The following HHIP variants were observed in gnomAD, a reference collection of about 807,000 sequenced individuals.
HHIP encodes hedgehog-interacting protein.
HHIP carries 12 observed loss-of-function variants against 74.0 expected under a neutral mutation model. The ratio of observed to expected loss-of-function variants is 0.16; its 90% CI spans 0.10 to 0.26. The LOEUF is 0.26. HHIP is among the 10% of genes least tolerant of loss of function. The probability of loss-of-function intolerance (pLI) is 1.00; values close to 1 mark genes in which losing one functional copy is unlikely to be tolerated. For missense variants in HHIP, 788 were observed against 845.0 expected (o/e 0.93, Z 0.84); for synonymous variants, 309 against 311.6 (o/e 0.99, Z 0.09).
intron 4 of HHIP, among the ~76,000 whole-genome samples, chr4:144,668,357 T>A (rs538060125): frequency 6.7e-6 from 1 of 149,700 alleles, no homozygotes; most frequent in African/African-American, 2.5e-5. Context: ...TGCCATGAAA[T>A]CAGAGAAGAG....
intron 11 of HHIP, among the ~76,000 whole-genome samples, chr4:144,730,576 T>G (rs937380582): frequency 2.6e-5 from 4 of 152,130 alleles, no homozygotes; most frequent in Non-Finnish European, 5.9e-5. Flanking sequence ...GATCGTACAT[T>G]AAAGCACCCA....
intron 4 of HHIP, chr4:144,660,054 G>C (rs1728669928): frequency 1.8e-6 from 1 of 554,022 alleles, no homozygotes; most frequent in Non-Finnish European, 3.2e-6. Context: ...CAATCGAATT[G>C]ATATTTGACA....
chr4:144,700,999 G>GTCCTCTTTT (rs1729965716), intron 4 of HHIP, among the ~76,000 whole-genome samples: 1 of 151,980 alleles, frequency 6.6e-6, no homozygotes, highest in African/African-American at 2.4e-5. Flanking sequence ...TTAGTCCCAA[G>GTCCTCTTTT]TCCTCTTTTT....
chr4:144,705,070 A>C (rs1275538046), intron 4 of HHIP, among the ~76,000 whole-genome samples: 1 of 152,198 alleles, frequency 6.6e-6, no homozygotes, highest in Non-Finnish European at 1.5e-5. Context: ...TTTGACATTT[A>C]AATAATGACT....
chr4:144,659,928 T>C (rs1728665924), intron 4 of HHIP, 90 bp downstream of exon 4: 10 of 957,212 alleles, frequency 1.0e-5, no homozygotes, highest in Non-Finnish European at 1.6e-5. Flanking sequence ...TTCTTTGTAA[T>C]AAAAGAAAGA....
chr4:144,690,485 T>C (rs1288231356), intron 4 of HHIP, among the ~76,000 whole-genome samples: 3 of 152,150 alleles, frequency 2.0e-5, no homozygotes, highest in African/African-American at 7.2e-5. Flanking sequence ...GATCAACAAG[T>C]TATTCCATAG....
intron 4 of HHIP, among the ~76,000 whole-genome samples, chr4:144,705,690 C>T (rs764938786): frequency 1.3e-5 from 2 of 152,142 alleles, no homozygotes; most frequent in African/African-American, 4.8e-5. Context: ...AGATAAAATG[C>T]CTTTCTATTT....
chr4:144,679,128 C>T (rs1358100193), intron 4 of HHIP, among the ~76,000 whole-genome samples: 2 of 151,888 alleles, frequency 1.3e-5, no homozygotes, highest in African/African-American at 4.9e-5. Flanking sequence ...CTCTAATGAC[C>T]AGGGATGATT....
At chr4:144,680,456 C>T (rs758959043) in intron 4 of HHIP, among the ~76,000 whole-genome samples, 1 of 152,074 alleles carries the variant, frequency 6.6e-6, no homozygotes, top group Non-Finnish European at 1.5e-5. Context: ...GGATTGTTAC[C>T]AGAAGACAGT....
chr4:144,730,069 T>C (rs1251407327), intron 11 of HHIP, among the ~76,000 whole-genome samples: 2 of 152,174 alleles, frequency 1.3e-5, no homozygotes, highest in East Asian at 1.9e-4. Flanking sequence ...ATGAAAACTG[T>C]TCAGAATACC....
At chr4:144,692,135 G>T (rs928379282) in intron 4 of HHIP, among the ~76,000 whole-genome samples, 4 of 151,924 alleles carry the variant, frequency 2.6e-5, no homozygotes, top group African/African-American at 9.7e-5. Context: ...TTTATTTAAT[G>T]TATTTTTCAT....
At chr4:144,704,026 C>T (rs1170985099) in intron 4 of HHIP, among the ~76,000 whole-genome samples, 1 of 152,136 alleles carries the variant, frequency 6.6e-6, no homozygotes, top group Non-Finnish European at 1.5e-5. Flanking sequence ...TGTGAGCTCT[C>T]AATACATTAA....
intron 4 of HHIP, among the ~76,000 whole-genome samples, chr4:144,684,568 C>T (rs151049842): frequency 0.028 from 4,213 of 151,964 alleles, 70 homozygotes; most frequent in Middle Eastern, 0.041. Context: ...CGTGAGCCAC[C>T]GCGCCCGGCC....
At chr4:144,652,111 T>A (rs995036963) in intron 1 of HHIP, among the ~76,000 whole-genome samples, 1 of 152,062 alleles carries the variant, frequency 6.6e-6, no homozygotes, top group Non-Finnish European at 1.5e-5. Flanking sequence ...ATTGAAATTT[T>A]AAAAAAATGT....
intron 11 of HHIP, among the ~76,000 whole-genome samples, chr4:144,719,319 A>C (rs1184105788): frequency 2.0e-5 from 3 of 152,220 alleles, no homozygotes; most frequent in Admixed American, 6.5e-5. Context: ...AACGAGAAAC[A>C]TACTGGCAGA....
chr4:144,659,240 T>C (rs1728635304), intron 3 of HHIP, among the ~76,000 whole-genome samples: 1 of 152,234 alleles, frequency 6.6e-6, no homozygotes, highest in Non-Finnish European at 1.5e-5. Flanking sequence ...ACTGTGAAAA[T>C]GTTCAGCACA....
At position 144,646,538 on chromosome 4, in the gene HHIP, TC is replaced by T; in HGVS notation, c.-134del. On this transcript the variant is annotated 5_prime_UTR_variant, in exon 1 of 13. Coordinates refer to ENST00000296575, the MANE Select transcript of HHIP (RefSeq NM_022475.3). ...AGTTGCATCGCTGTACATATTTTTG[TC>T]CCCGCCACCTCCCTCTGTCTCTGGA... 1.2e-6 allele frequency: 1 copy of T among 812,328 alleles called. No individual in the cohort carries two copies. The allele number at this position is 812,328 out of a possible 1,614,324, so 50.3% of individuals were successfully genotyped here. A position where few individuals can be genotyped will look rare whatever the true frequency, so the allele number is the denominator to read the frequency against.
intron 4 of HHIP, among the ~76,000 whole-genome samples, chr4:144,679,777 T>C (rs1011022004): frequency 1.1e-4 from 16 of 152,254 alleles, no homozygotes; most frequent in African/African-American, 3.9e-4. Flanking sequence ...TGTAGACTAC[T>C]TAAAATGTAA....
At chr4:144,725,829 C>A (rs939223294) in intron 11 of HHIP, among the ~76,000 whole-genome samples, 1 of 152,114 alleles carries the variant, frequency 6.6e-6, no homozygotes, top group South Asian at 2.1e-4. Context: ...CTACCAAACC[C>A]GGCTAATTTT....
Sources: gnomAD v4.1 joint callset for allele counts (sites outside exome capture counted in the v4.1 genomes callset) on GRCh38, gnomAD v4.1.1 for gene constraint, MANE v1.5 for transcripts, NCBI Gene and HGNC (gene_info 2026-07-23, HGNC 2026-07-21) for gene names.